CEP70: variants seen among roughly 807,000 people sequenced by gnomAD.
CEP70 encodes centrosomal protein of 70 kDa.
Under a neutral mutation model 90.9 loss-of-function variants are expected in CEP70, and 70 were observed. The observed-to-expected ratio is 0.77, with a 90% CI of 0.64 to 0.94. CEP70 has a LOEUF of 0.94. CEP70 is among the 40% of genes least tolerant of loss of function. The pLI is 0.00. For missense variants in CEP70, 648 were observed against 669.0 expected, an observed-to-expected ratio of 0.97 and a Z score of 0.35; for synonymous variants, 220 against 228.3, an observed-to-expected ratio of 0.96 and a Z score of 0.33.
chr3:138,510,846 CT>C (rs1428402339), intron 11 of CEP70, among the ~76,000 whole-genome samples: 1 of 147,402 alleles, frequency 6.8e-6, no homozygotes, highest in Admixed American at 7.1e-5. Context: ...AAATTTAATG[CT>C]TTTTCCATCT....
chr3:138,537,402 T>A (rs1463401269), intron 6 of CEP70, 55 bp from the exon 7 acceptor site: 2 of 1,253,486 alleles, frequency 1.6e-6, no homozygotes, highest in East Asian at 2.6e-5. Flanking sequence ...GGACATGCTA[T>A]CCTAACAGTA....
intron 6 of CEP70, among the ~76,000 whole-genome samples, chr3:138,562,470 GT>G: frequency 6.6e-6 from 1 of 152,260 alleles, no homozygotes; most frequent in Non-Finnish European, 1.5e-5. Context: ...AAAGGTTGGG[GT>G]TACCCACAAA....
intron 10 of CEP70, among the ~76,000 whole-genome samples, chr3:138,527,653 C>T (rs143794694): frequency 0.01 from 1,516 of 150,040 alleles, 15 homozygotes; most frequent in Non-Finnish European, 0.016. Context: ...CAACATCGTG[C>T]CACAGCACTC....
intron 6 of CEP70, among the ~76,000 whole-genome samples, chr3:138,542,618 A>G (rs2038864051): frequency 6.6e-6 from 1 of 152,158 alleles, no homozygotes; most frequent in African/African-American, 2.4e-5. Context: ...TGGGAGGCCT[A>G]TGATGTGACA....
At chr3:138,506,231 C>T (rs2034975062) in intron 12 of CEP70, among the ~76,000 whole-genome samples, 1 of 152,128 alleles carries the variant, frequency 6.6e-6, no homozygotes, top group South Asian at 2.1e-4. Flanking sequence ...TGCCTGTAAT[C>T]CCAGCACTTT....
chr3:138,583,356 T>C (rs2041961398), intron 2 of CEP70, among the ~76,000 whole-genome samples: 1 of 152,214 alleles, frequency 6.6e-6, no homozygotes, highest in Admixed American at 6.5e-5. Context: ...AATTCAATAA[T>C]AGTTGAAGAC....
At chr3:138,547,813 G>C (rs368358953) in intron 6 of CEP70, among the ~76,000 whole-genome samples, 5 of 152,256 alleles carry the variant, frequency 3.3e-5, no homozygotes, top group African/African-American at 1.2e-4. Flanking sequence ...GTCCTGAATG[G>C]GACTGAACAA....
chr3:138,527,600 A>G lies in CEP70; in HGVS notation c.869+1599T>C, dbSNP rs556636838. ...TCCCAGCTACTCGGGAGGCTGAGGC[A>G]GAAGAAATCACTTGAGCCCGGGAGG... On this transcript the variant is annotated intron_variant, in intron 10 of 17. Coordinates refer to ENST00000264982, the MANE Select transcript of CEP70 (RefSeq NM_024491.4). Among the ~76,000 whole-genome samples, 39 of 151,484 alleles carry G rather than the reference A, an allele frequency of 2.6e-4. No individual in the cohort carries two copies. The East Asian group carries it at 6.7e-3, about 26-fold the overall frequency.
At position 138,570,984 on chromosome 3, in the gene CEP70, T is replaced by C. The variant is rs766190196; in HGVS notation, c.284+50A>G. The C allele has an allele frequency of 7.7e-6, 11 of 1,429,410 alleles. No individual in the cohort carries two copies. The South Asian group carries it at 1.5e-4, about 20-fold the overall frequency. 88.5% of individuals were successfully genotyped at this position (1,429,410 alleles called of 1,614,324 possible). On this transcript the variant is annotated intron_variant, in intron 5 of 17. Transcript: ENST00000264982. ...TCAAGATTTTTTTCAAGGCAGTTATTTTTAGAACGCATACAAACAATTCAA... is the reference window on the plus strand; with the variant it reads ...TCAAGATTTTTTTCAAGGCAGTTATCTTTAGAACGCATACAAACAATTCAA...
intron 6 of CEP70, among the ~76,000 whole-genome samples, chr3:138,551,642 A>G (rs1253845286): frequency 1.3e-5 from 2 of 151,090 alleles, no homozygotes; most frequent in African/African-American, 4.9e-5. Context: ...GCTACTCAGG[A>G]GGCTGAGGCA....
chr3:138,502,002 T>A (rs923347662), intron 13 of CEP70, among the ~76,000 whole-genome samples: 1 of 152,166 alleles, frequency 6.6e-6, no homozygotes, highest in Non-Finnish European at 1.5e-5. Flanking sequence ...ACTCAATCCA[T>A]ATGTGTATGG....
At chr3:138,576,705 A>G (rs1396183379) in intron 2 of CEP70, among the ~76,000 whole-genome samples, 1 of 152,202 alleles carries the variant, frequency 6.6e-6, no homozygotes, top group Non-Finnish European at 1.5e-5. Flanking sequence ...GTTGGAAGTA[A>G]AGCACTCCTC....
At chr3:138,549,662 C>T (rs576563485) in intron 6 of CEP70, among the ~76,000 whole-genome samples, 5 of 152,238 alleles carry the variant, frequency 3.3e-5, no homozygotes, top group Non-Finnish European at 7.4e-5. Context: ...ATATTCTCTT[C>T]GGAGTTCTAG....
chr3:138,537,972 C>G (rs1041422789), intron 6 of CEP70, among the ~76,000 whole-genome samples: 3 of 152,076 alleles, frequency 2.0e-5, no homozygotes. Context: ...AAATTTCAAG[C>G]AGATGGTAAG....
intron 6 of CEP70, among the ~76,000 whole-genome samples, chr3:138,556,895 C>T (rs996554169): frequency 6.6e-6 from 1 of 152,136 alleles, no homozygotes; most frequent in Non-Finnish European, 1.5e-5. Context: ...AATGAAGTTT[C>T]GGGCATCATT....
intron 2 of CEP70, among the ~76,000 whole-genome samples, chr3:138,585,952 C>T (rs2042085407): frequency 6.6e-6 from 1 of 152,140 alleles, no homozygotes. Context: ...GGGAAACTCT[C>T]CAGGACATTG....
chr3:138,516,412 G>T (rs1483589205), intron 11 of CEP70, among the ~76,000 whole-genome samples: 1 of 152,046 alleles, frequency 6.6e-6, no homozygotes, highest in Non-Finnish European at 1.5e-5. Flanking sequence ...GAGGGACAGG[G>T]TCTTGCTCTG....
chr3:138,579,098 G>A (rs1455681025), intron 2 of CEP70, among the ~76,000 whole-genome samples: 2 of 152,156 alleles, frequency 1.3e-5, no homozygotes, highest in African/African-American at 2.4e-5. Flanking sequence ...AGTGACTGTG[G>A]AACTTTGCAT....
chr3:138,560,480 T>A (rs2040328418), intron 6 of CEP70, among the ~76,000 whole-genome samples: 1 of 151,842 alleles, frequency 6.6e-6, no homozygotes, highest in African/African-American at 2.4e-5. Flanking sequence ...TTTGTTTTTT[T>A]TTTTTCATAC....
Sources: gnomAD v4.1 joint callset for allele counts (sites outside exome capture counted in the v4.1 genomes callset) on GRCh38, gnomAD v4.1.1 for gene constraint, MANE v1.5 for transcripts, NCBI Gene and HGNC (gene_info 2026-07-23, HGNC 2026-07-21) for gene names.